WDFY2: variants seen among roughly 807,000 people sequenced by gnomAD.
WDFY2 encodes the protein WD repeat and FYVE domain containing 2.
WDFY2 carries 36 observed loss-of-function variants against 56.4 expected under a neutral mutation model. That is an observed-to-expected ratio of 0.64 (90% CI 0.49 to 0.84). The LOEUF is 0.84. WDFY2 is among the 40% of genes least tolerant of loss of function. The pLI, the probability that WDFY2 is intolerant of heterozygous loss-of-function variation, is 0.00. For synonymous variants in WDFY2, 176 were observed against 183.7 expected (o/e 0.96, Z 0.34); for missense variants, 444 against 512.2 (o/e 0.87, Z 1.29).
chr13:51,623,870 T>G (rs1230230428), intron 1 of WDFY2, among the ~76,000 whole-genome samples: 1 of 152,150 alleles, frequency 6.6e-6, no homozygotes, highest in Non-Finnish European at 1.5e-5. Flanking sequence ...AATAGGCACT[T>G]TTTTTAACCT....
chr13:51,718,028 TA>T (rs1952397158), intron 4 of WDFY2, among the ~76,000 whole-genome samples: 1 of 152,256 alleles, frequency 6.6e-6, no homozygotes, highest in Non-Finnish European at 1.5e-5. Flanking sequence ...AGAATGTATT[TA>T]AGTGCCTGGC....
At chr13:51,658,899 C>T (rs1217591798) in intron 1 of WDFY2, among the ~76,000 whole-genome samples, 1 of 151,720 alleles carries the variant, frequency 6.6e-6, no homozygotes, top group African/African-American at 2.4e-5. Flanking sequence ...AGTCTTTTTC[C>T]TACTAATTAT....
chr13:51,607,947 G>A (rs1443324047), intron 1 of WDFY2, among the ~76,000 whole-genome samples: 1 of 152,190 alleles, frequency 6.6e-6, no homozygotes, highest in African/African-American at 2.4e-5. Flanking sequence ...GGAGGCAGAA[G>A]GATTAGAATC....
intron 1 of WDFY2, chr13:51,590,772 A>AC (rs1422259826): frequency 6.6e-6 from 1 of 152,014 alleles, no homozygotes; most frequent in Non-Finnish European, 1.5e-5. Flanking sequence ...GAAAAAAAAA[A>AC]CAAAAAAAAC....
intron 1 of WDFY2, among the ~76,000 whole-genome samples, chr13:51,608,486 A>G (rs1158607098): frequency 6.6e-6 from 1 of 152,208 alleles, no homozygotes; most frequent in East Asian, 1.9e-4. Context: ...ATTTGAGACC[A>G]GCCTGACCAA....
At chr13:51,730,856 A>G (rs1401566673) in intron 6 of WDFY2, among the ~76,000 whole-genome samples, 1 of 152,182 alleles carries the variant, frequency 6.6e-6, no homozygotes, top group African/African-American at 2.4e-5. Context: ...TGGCAGGAAC[A>G]CTGGGTATGA....
At chr13:51,703,729 A>G (rs1283513195) in intron 4 of WDFY2, 79 bp downstream of exon 4, 20 of 1,166,026 alleles carry the variant, frequency 1.7e-5, no homozygotes, top group Admixed American at 7.1e-5. Flanking sequence ...AAGAGAATAC[A>G]TACTTTACAA....
At chr13:51,667,307 AT>A (rs1566095998) in intron 2 of WDFY2, among the ~76,000 whole-genome samples, 1 of 152,122 alleles carries the variant, frequency 6.6e-6, no homozygotes, top group African/African-American at 2.4e-5. Context: ...AAAATTGGGG[AT>A]TTGGAAAATT....
chr13:51,602,941 C>T (rs183627109), intron 1 of WDFY2, among the ~76,000 whole-genome samples: 2 of 152,214 alleles, frequency 1.3e-5, no homozygotes, highest in Admixed American at 6.5e-5. Context: ...CAGCTCTGCC[C>T]CTTCGCTTGT....
chr13:51,643,592 T>A (rs1955215060), intron 1 of WDFY2, among the ~76,000 whole-genome samples: 1 of 152,194 alleles, frequency 6.6e-6, no homozygotes. Context: ...AGGCTGCCAG[T>A]TCAAGGGTGG....
intron 3 of WDFY2, among the ~76,000 whole-genome samples, chr13:51,686,861 T>C (rs1956070000): frequency 6.6e-6 from 1 of 151,910 alleles, no homozygotes; most frequent in Non-Finnish European, 1.5e-5. Flanking sequence ...CCTCTCTTTT[T>C]TTTTCTTTTA....
chr13:51,700,826 G>T (rs368796762), intron 3 of WDFY2, among the ~76,000 whole-genome samples: 1 of 152,166 alleles, frequency 6.6e-6, no homozygotes, highest in Admixed American at 6.5e-5. Flanking sequence ...AATTAGCCAG[G>T]CGTGGTGGCG....
intron 2 of WDFY2, 42 bp downstream of exon 2, chr13:51,660,705 T>C: frequency 1.3e-6 from 2 of 1,563,582 alleles, no homozygotes; most frequent in Non-Finnish European, 1.8e-6. Flanking sequence ...AGACATGTCC[T>C]TCCCAGATTG....
At chr13:51,729,999 C>G (rs1422332991) in intron 6 of WDFY2, among the ~76,000 whole-genome samples, 1 of 152,176 alleles carries the variant, frequency 6.6e-6, no homozygotes, top group Admixed American at 6.5e-5. Context: ...CTCGGCCCCC[C>G]AGTCCCTGGA....
chr13:51,696,304 T>A (rs986436764), intron 3 of WDFY2, among the ~76,000 whole-genome samples: 1 of 152,240 alleles, frequency 6.6e-6, no homozygotes, highest in Non-Finnish European at 1.5e-5. Context: ...GAGCTGTTCC[T>A]TTTTGGCCAT....
intron 6 of WDFY2, among the ~76,000 whole-genome samples, chr13:51,732,294 C>G (rs1014929116): frequency 6.6e-6 from 1 of 152,070 alleles, no homozygotes; most frequent in African/African-American, 2.4e-5. Flanking sequence ...CCATGGCCGA[C>G]TAATTTTTGT....
intron 4 of WDFY2, among the ~76,000 whole-genome samples, chr13:51,708,956 C>T (rs1392916291): frequency 6.6e-6 from 1 of 152,178 alleles, no homozygotes; most frequent in Non-Finnish European, 1.5e-5. Context: ...AAGACCATAA[C>T]ACTCGTAAAT....
intron 4 of WDFY2, among the ~76,000 whole-genome samples, chr13:51,715,057 T>TA (rs1434301878): frequency 2.6e-5 from 4 of 152,208 alleles, no homozygotes; most frequent in Non-Finnish European, 2.9e-5. Flanking sequence ...ATAGGGCACT[T>TA]ACCATGAATG....
chr13:51,646,995 T>A (rs964353353), intron 1 of WDFY2, among the ~76,000 whole-genome samples: 3 of 152,230 alleles, frequency 2.0e-5, no homozygotes, highest in Non-Finnish European at 4.4e-5. Flanking sequence ...CTTTTTTTCC[T>A]TTATTATTTC....
Sources: allele counts gnomAD v4.1 joint callset (sites outside exome capture counted in the v4.1 genomes callset), GRCh38; gene constraint gnomAD v4.1.1; transcripts MANE v1.5; gene names NCBI Gene and HGNC (gene_info 2026-07-23, HGNC 2026-07-21).